GDPGP1: variants seen among roughly 807,000 people sequenced by gnomAD.
The protein encoded by GDPGP1 is GDP-D-glucose phosphorylase 1, also known as GDP-D-glucose phosphorylase C15orf58.
A neutral mutation model predicts 19.2 loss-of-function variants in GDPGP1; 18 were observed. The ratio of observed to expected loss-of-function variants is 0.94; its 90% CI spans 0.65 to 1.39. GDPGP1 has a LOEUF of 1.39. Among genes scored for constraint, GDPGP1 ranks in the 40% most tolerant of loss-of-function variants. The pLI, the probability that GDPGP1 is intolerant of heterozygous loss-of-function variation, is 0.00. For missense variants in GDPGP1, 449 were observed against 490.5 expected (o/e 0.92, Z 0.80); for synonymous variants, 219 against 208.9 (o/e 1.05, Z -0.42).
intron 2 of GDPGP1, among the ~76,000 whole-genome samples, chr15:90,237,579 C>T (rs374147795): frequency 2.0e-5 from 3 of 152,050 alleles, no homozygotes; most frequent in East Asian, 1.9e-4. Context: ...TGTGAGCCAC[C>T]GCACCCAGCC....
rs747857376 is a variant in GDPGP1, at chr15:90,241,517, C to T, written c.609C>T (p.Val203=). The change falls in exon 4 of 4, where the codon GTC becomes GTT. Residue 203 remains valine, a synonymous_variant. Coordinates refer to ENST00000329600, the MANE Select transcript of GDPGP1 (RefSeq NM_001013657.3). ...VLLSLHPGFR[V]GFNSLGGLAS... ...TGAGCTTACACCCGGGCTTCCGTGT[C>T]GGCTTCAACAGCCTGGGAGGCTTGG... 4.3e-6 allele frequency: 7 copies of T among 1,613,560 alleles called. No individual in the cohort carries two copies. The highest frequency in any genetic ancestry group is 3.3e-5 in the South Asian group (3 of 91,060).
At chr15:90,236,688 C>A (rs1487795712) in intron 2 of GDPGP1, among the ~76,000 whole-genome samples, 3 of 151,848 alleles carry the variant, frequency 2.0e-5, no homozygotes, top group African/African-American at 7.3e-5. Flanking sequence ...AGTGCACCAC[C>A]ACGCCCAGCT....
chr15:90,241,412 G>C lies in GDPGP1; in HGVS notation c.504G>C (p.Leu168=). ...GCCCCCTGGAGTGGGGCCACGTGCT[G>C]CTGGTGCCTGAGCCTGCCCGCCAGC... ...NVSPLEWGHV[L]LVPEPARQLP... is the part of the protein sequence containing the mutation. The change falls in exon 4 of 4, where the codon CTG becomes CTC. Residue 168 remains leucine, a synonymous_variant. Coordinates refer to ENST00000329600, the MANE Select transcript of GDPGP1 (RefSeq NM_001013657.3). The C allele has an allele frequency of 6.2e-7, 1 of 1,613,644 alleles. No homozygotes were observed. Among genetic ancestry groups the C allele is most frequent in the South Asian group, 1.1e-5 (1 of 91,082 alleles).
intron 3 of GDPGP1, among the ~76,000 whole-genome samples, chr15:90,239,103 A>G (rs1197197775): frequency 6.6e-6 from 1 of 152,212 alleles, no homozygotes; most frequent in Non-Finnish European, 1.5e-5. Context: ...AACTAGCTAC[A>G]ACCTATATAA....
Position 90,241,136 on chromosome 15 carries a change from T to G in GDPGP1, c.228T>G (p.Phe76Leu). 1 of 1,614,168 alleles carries G rather than the reference T, an allele frequency of 6.2e-7. No homozygotes were observed. Among genetic ancestry groups the G allele is most frequent in the Non-Finnish European group, 8.5e-7 (1 of 1,180,000 alleles). The part of the protein sequence containing the change: ...AWKQRVELGL[F>L]RYRLRELQTQ... The stretch of plus-strand genomic sequence containing the variant: ...AGCAGCGGGTGGAGCTGGGGCTGTT[T>G]CGCTACCGTCTACGGGAGCTACAGA... Residue 76 changes from phenylalanine to leucine, a missense_variant, in exon 4 of 4, where the codon TTT (phenylalanine) becomes TTG (leucine). Phe to Leu is a conservative substitution (Grantham distance 22). Transcript: ENST00000329600.
chr15:90,242,102 C>A lies in GDPGP1; in HGVS notation c.*36C>A. ...TGTATTTATGTTCTTTTTTTCTTTTCTTTTGAGATAGGGTCTCACTCTGTC... is the reference window on the plus strand; with the variant it reads ...TGTATTTATGTTCTTTTTTTCTTTTATTTTGAGATAGGGTCTCACTCTGTC... On this transcript the variant is annotated 3_prime_UTR_variant, in exon 4 of 4. Transcript: ENST00000329600. 1 of 1,522,054 alleles carries A rather than the reference C, an allele frequency of 6.6e-7. No individual in the cohort carries two copies. Among genetic ancestry groups the A allele is most frequent in the Non-Finnish European group, 8.9e-7 (1 of 1,121,720 alleles). The allele number at this position is 1,522,054 out of a possible 1,614,324, so 94.3% of individuals were successfully genotyped here.
In GDPGP1 at chr15:90,242,247, A is replaced by G. The variant is rs1214840770; in HGVS notation, c.*181A>G. ...AGACTATAGGCGTGCACCACCACACACCTGGCTTTTTTTTTTTTTTTTTTT... is the reference window on the plus strand; with the variant it reads ...AGACTATAGGCGTGCACCACCACACGCCTGGCTTTTTTTTTTTTTTTTTTT... On this transcript the variant is annotated 3_prime_UTR_variant, in exon 4 of 4. Transcript: ENST00000329600. The G allele has an allele frequency of 1.0e-5, 3 of 290,160 alleles. No individual in the cohort carries two copies. The highest frequency in any genetic ancestry group is 5.2e-5 in the East Asian group (1 of 19,342). 18.0% of individuals were successfully genotyped at this position (290,160 alleles called of 1,614,324 possible).
intron 2 of GDPGP1, among the ~76,000 whole-genome samples, chr15:90,236,343 A>G (rs1333481082): frequency 6.6e-6 from 1 of 152,086 alleles, no homozygotes; most frequent in East Asian, 1.9e-4. Flanking sequence ...AGCCATAAGT[A>G]TCTCTTTATA....
chr15:90,240,049 C>T (rs1962719115), intron 3 of GDPGP1, among the ~76,000 whole-genome samples: 1 of 151,760 alleles, frequency 6.6e-6, no homozygotes, highest in South Asian at 2.1e-4. Context: ...CATGGTGAAA[C>T]CCTGTCTCTA....
Position 90,241,295 on chromosome 15 carries a change from C to T in GDPGP1, c.387C>T (p.Ile129=). 1.2e-6 allele frequency: 2 copies of T among 1,614,192 alleles called. No individual in the cohort carries two copies. Among genetic ancestry groups the T allele is most frequent in the Non-Finnish European group, 1.7e-6 (2 of 1,180,040 alleles). The change falls in exon 4 of 4, where the codon ATC becomes ATT. Residue 129 remains isoleucine (I), a synonymous_variant. Coordinates refer to ENST00000329600, the MANE Select transcript of GDPGP1 (RefSeq NM_001013657.3). The stretch of plus-strand genomic sequence containing the variant: ...CTGTACAGTTCAACTTCAACAAGAT[C>T]CGGCCCGGAGAAGTCCTCTTCCGTT... ...FDPVQFNFNK[I]RPGEVLFRLH...
intron 2 of GDPGP1, among the ~76,000 whole-genome samples, chr15:90,235,327 A>G (rs1217159092): frequency 6.6e-6 from 1 of 152,116 alleles, no homozygotes; most frequent in East Asian, 1.9e-4. Context: ...GCACTTTGGG[A>G]GGCTGAAGCA....
rs775141206 is a variant in GDPGP1, at chr15:90,241,383, G to A, written c.475G>A (p.Val159Ile). ...LQEDILVVINVSPLEWGHVLL... is the reference protein window; with the variant it reads ...LQEDILVVINISPLEWGHVLL... Reference sequence around the variant, plus strand: ...AGAAGACATCCTGGTGGTGATCAACGTCAGCCCCCTGGAGTGGGGCCACGT... The same window carrying A: ...AGAAGACATCCTGGTGGTGATCAACATCAGCCCCCTGGAGTGGGGCCACGT... The change falls in exon 4 of 4, where the codon GTC becomes ATC. Residue 159 changes from valine to isoleucine, a missense_variant. Val to Ile is a conservative substitution (Grantham distance 29). Transcript: ENST00000329600. 86 of 1,613,882 alleles carry A rather than the reference G, an allele frequency of 5.3e-5. No homozygotes were observed. Among genetic ancestry groups the A allele is most frequent in the Non-Finnish European group, 7.0e-5 (83 of 1,180,042 alleles).
intron 3 of GDPGP1, among the ~76,000 whole-genome samples, chr15:90,239,781 A>T (rs1222987620): frequency 6.6e-6 from 1 of 152,190 alleles, no homozygotes; most frequent in East Asian, 1.9e-4. Flanking sequence ...CGATCTCGGC[A>T]GTGCCTGGTG....
At position 90,245,378 on chromosome 15, in the gene GDPGP1, C is replaced by G. The variant is rs1212314749; in HGVS notation, c.*3312C>G. 7 of 149,844 alleles carry G rather than the reference C, an allele frequency of 4.7e-5. No homozygotes were observed. In the Admixed American group the frequency reaches 4.8e-4, roughly 10 times the overall value. 9.3% of individuals were successfully genotyped at this position (149,844 alleles called of 1,614,324 possible). A position where few individuals can be genotyped will look rare whatever the true frequency, so the allele number is the denominator to read the frequency against. ...GTCCCAGCTACTCAGGAGGCTGAGG[C>G]AGGAGAATCGCTTGGACCTGGGAGG... On this transcript the variant is annotated 3_prime_UTR_variant, in exon 4 of 4. Transcript: ENST00000329600.
At chr15:90,238,463 T>C (rs1333014402) in intron 2 of GDPGP1, 29 bp from the exon 3 acceptor site, 1 of 152,248 alleles carries the variant, frequency 6.6e-6, no homozygotes, top group African/African-American at 2.4e-5. Flanking sequence ...TTATATGTTT[T>C]GTTTCCTTTC....
intron 2 of GDPGP1, among the ~76,000 whole-genome samples, chr15:90,235,442 AG>A (rs1962613040): frequency 6.6e-6 from 1 of 152,128 alleles, no homozygotes; most frequent in Non-Finnish European, 1.5e-5. Flanking sequence ...TAAACCTGGG[AG>A]CTGGAGGTTG....
chr15:90,238,091 G>A (rs150221103), intron 2 of GDPGP1, among the ~76,000 whole-genome samples: 2 of 152,300 alleles, frequency 1.3e-5, no homozygotes, highest in African/African-American at 4.8e-5. Flanking sequence ...CCTGAGGTCA[G>A]GAGTTCGAGA....
chr15:90,241,736 C>T lies in GDPGP1; in HGVS notation c.828C>T (p.Ala276=). The change falls in exon 4 of 4, where the codon GCC becomes GCT. Residue 276 remains alanine (A), a synonymous_variant. Coordinates refer to ENST00000329600, the MANE Select transcript of GDPGP1 (RefSeq NM_001013657.3). ...CCTTGATAAGCAGGGTATGTCGGGC[C>T]ACTGATTATCTGACTGACCATGAGA... ...LESLISRVCR[A]TDYLTDHEIA... is the part of the protein sequence containing the mutation. The T allele has an allele frequency of 1.2e-6, 2 of 1,614,224 alleles. 1 individual carries two copies. The highest frequency in any genetic ancestry group is 2.2e-5 in the South Asian group (2 of 91,080).
chr15:90,238,696 C>T (rs1962685683), intron 3 of GDPGP1, 148 bp downstream of exon 3: 1 of 152,236 alleles, frequency 6.6e-6, no homozygotes, highest in South Asian at 2.1e-4. Context: ...CTTACCCACA[C>T]ATCAGTGCCA....
Sources: gnomAD v4.1 joint callset for allele counts (sites outside exome capture counted in the v4.1 genomes callset) on GRCh38, gnomAD v4.1.1 for gene constraint, MANE v1.5 for transcripts, NCBI Gene and HGNC (gene_info 2026-07-23, HGNC 2026-07-21) for gene names.